Variants in APBB1IP observed in about 807,000 individuals in gnomAD.
APBB1IP encodes amyloid beta A4 precursor protein-binding family B member 1-interacting protein.
A neutral mutation model predicts 64.9 loss-of-function variants in APBB1IP; 27 were observed. That is an observed-to-expected ratio of 0.42 (90% CI 0.31 to 0.57). APBB1IP has a LOEUF of 0.57. Ranked by LOEUF, APBB1IP falls within the 20% of genes least tolerant of loss-of-function variation. The pLI is 0.20. For missense variants in APBB1IP, 812 were observed against 845.5 expected, an observed-to-expected ratio of 0.96 and a Z score of 0.49; for synonymous variants, 392 against 331.0, an observed-to-expected ratio of 1.18 and a Z score of -2.00.
chr10:26,520,274 G>T (rs1258707845), intron 8 of APBB1IP, among the ~76,000 whole-genome samples: 1 of 152,086 alleles, frequency 6.6e-6, no homozygotes, highest in Admixed American at 6.6e-5. Context: ...CCAACCTCCA[G>T]AACCATGAAC....
intron 2 of APBB1IP, among the ~76,000 whole-genome samples, chr10:26,481,428 T>C (rs976415606): frequency 5.9e-5 from 9 of 152,130 alleles, no homozygotes; most frequent in African/African-American, 2.2e-4. Context: ...TCACAGCAAT[T>C]TGGAAATAAG....
chr10:26,485,502 T>C (rs563298716), intron 2 of APBB1IP, among the ~76,000 whole-genome samples: 29 of 152,230 alleles, frequency 1.9e-4, no homozygotes, highest in Non-Finnish European at 4.1e-4. Context: ...GATCTGATTC[T>C]TACTTAATAA....
At chr10:26,552,604 A>G (rs1836845293) in intron 11 of APBB1IP, among the ~76,000 whole-genome samples, 1 of 152,060 alleles carries the variant, frequency 6.6e-6, no homozygotes, top group African/African-American at 2.4e-5. Flanking sequence ...CCTCTAAAAA[A>G]GAAAGGAATG....
At chr10:26,445,787 G>T (rs1835391403) in intron 2 of APBB1IP, among the ~76,000 whole-genome samples, 1 of 152,168 alleles carries the variant, frequency 6.6e-6, no homozygotes, top group Admixed American at 6.5e-5. Flanking sequence ...GTTAGAGCAG[G>T]GCTAAAAATT....
At chr10:26,528,175 C>T (rs1277210523) in intron 8 of APBB1IP, among the ~76,000 whole-genome samples, 6 of 152,174 alleles carry the variant, frequency 3.9e-5, no homozygotes, top group Admixed American at 1.3e-4. Context: ...CCAAACCCAA[C>T]GTAAGTGAAG....
At chr10:26,554,465 C>T (rs529816321) in intron 11 of APBB1IP, among the ~76,000 whole-genome samples, 108 of 152,350 alleles carry the variant, frequency 7.1e-4, no homozygotes, top group African/African-American at 2.3e-3. Context: ...CCAATCTCTG[C>T]CTCCCTCAAC....
intron 8 of APBB1IP, among the ~76,000 whole-genome samples, chr10:26,530,228 C>CT (rs772571075): frequency 0.081 from 2,345 of 28,912 alleles, 95 homozygotes; most frequent in African/African-American, 0.18. Context: ...TTTTCTTTTT[C>CT]TTTTTTTTTT....
chr10:26,493,998 A>C (rs1431602469), intron 3 of APBB1IP, among the ~76,000 whole-genome samples: 1 of 151,752 alleles, frequency 6.6e-6, no homozygotes, highest in African/African-American at 2.4e-5. Context: ...CACCACACCC[A>C]GCTAATTTTT....
chr10:26,476,231 A>G (rs1480784811), intron 2 of APBB1IP, among the ~76,000 whole-genome samples: 2 of 151,558 alleles, frequency 1.3e-5, no homozygotes, highest in African/African-American at 4.8e-5. Flanking sequence ...GCTAATTTTT[A>G]TATTTTTGGT....
At chr10:26,507,613 A>G (rs537525460) in intron 6 of APBB1IP, among the ~76,000 whole-genome samples, 2 of 152,362 alleles carry the variant, frequency 1.3e-5, no homozygotes, top group African/African-American at 4.8e-5. Context: ...TGTAGAATTG[A>G]TCACACATGG....
chr10:26,485,627 CACA>C (rs1005210991), intron 2 of APBB1IP, among the ~76,000 whole-genome samples: 14 of 152,166 alleles, frequency 9.2e-5, no homozygotes, highest in African/African-American at 3.4e-4. Flanking sequence ...GTTTAGATGT[CACA>C]ACAAGCCTAA....
chr10:26,465,014 C>A (rs916131341), intron 2 of APBB1IP, among the ~76,000 whole-genome samples: 15 of 152,170 alleles, frequency 9.9e-5, no homozygotes, highest in African/African-American at 3.4e-4. Flanking sequence ...AACTCTGGGG[C>A]ATTCTCTGTT....
At chr10:26,520,570 G>A (rs1292193281) in intron 8 of APBB1IP, among the ~76,000 whole-genome samples, 1 of 152,196 alleles carries the variant, frequency 6.6e-6, no homozygotes, top group Non-Finnish European at 1.5e-5. Flanking sequence ...AATGCAGAGG[G>A]AGGCTTTGAG....
chr10:26,567,026 G>C lies in APBB1IP; in HGVS notation c.1539G>C (p.Lys513Asn), dbSNP rs114997244. 1,954 of 1,560,126 alleles carry C rather than the reference G, an allele frequency of 1.3e-3. 19 individuals carry two copies. In the African/African-American group the frequency reaches 0.024, roughly 19 times the overall value. ...TGCCCCGGGCCCCGCACGCCCCCAA[G>C]TCCAGCCTGCCCCCGCCCCCTCCGG... Reference protein sequence around the residue: ...PAVPRAPHAPKSSLPPPPPVR... With the variant: ...PAVPRAPHAPNSSLPPPPPVR... Residue 513 changes from lysine to asparagine, a missense_variant, in exon 15 of 15, where the codon AAG becomes AAC. Around this residue, in one of 3 missense-constraint regions of APBB1IP, gnomAD observed 381 missense variants for 352.1 expected, o/e 1.08. Transcript: ENST00000376236.
At chr10:26,560,254 C>T (rs1424848402) in intron 12 of APBB1IP, 51 bp downstream of exon 12, 1 of 1,524,340 alleles carries the variant, frequency 6.6e-7, no homozygotes, top group Non-Finnish European at 9.1e-7. Flanking sequence ...AGCCAACTTC[C>T]TGACCTGGGC....
Position 26,558,638 on chromosome 10 carries a change from G to C in APBB1IP, c.1156-1467G>C, listed in dbSNP as rs376029745. On this transcript the variant is annotated intron_variant, in intron 11 of 14. Transcript: ENST00000376236. Reference sequence around the variant, plus strand: ...TTTAAAAAAAAAAAAAAAAAGCCAAGCATGGATGCATGTTTGTGGTCCCAG... The same window carrying C: ...TTTAAAAAAAAAAAAAAAAAGCCAACCATGGATGCATGTTTGTGGTCCCAG... Among the ~76,000 whole-genome samples, 140 of 146,518 alleles carry C rather than the reference G, an allele frequency of 9.6e-4. 1 individual carries two copies. Among genetic ancestry groups the C allele is most frequent in the African/African-American group, 3.2e-3 (127 of 40,248 alleles).
intron 2 of APBB1IP, among the ~76,000 whole-genome samples, chr10:26,483,468 A>G (rs1835859351): frequency 6.6e-6 from 1 of 152,180 alleles, no homozygotes; most frequent in African/African-American, 2.4e-5. Context: ...AGAACACCTA[A>G]TAGTTATTCG....
chr10:26,554,185 T>A (rs1375073632), intron 11 of APBB1IP, among the ~76,000 whole-genome samples: 2 of 152,224 alleles, frequency 1.3e-5, no homozygotes, highest in African/African-American at 2.4e-5. Context: ...CAAGGATGAA[T>A]GGCACCATCA....
chr10:26,476,049 G>A lies in APBB1IP; in HGVS notation c.1-16278G>A, dbSNP rs114755741. Among the ~76,000 whole-genome samples, 719 of 150,600 alleles carry A rather than the reference G, an allele frequency of 4.8e-3. 10 individuals carry two copies. The highest frequency in any genetic ancestry group is 0.016 in the African/African-American group (668 of 40,742). ...TCAAGACCATCTTGGGCAAGATGCT[G>A]TCTTTATAAAAACTTTTTTTTTTTT... is the stretch of plus-strand genomic sequence containing the variant. On this transcript the variant is annotated intron_variant, in intron 2 of 14. Transcript: ENST00000376236.
Sources: allele counts gnomAD v4.1 joint callset (sites outside exome capture counted in the v4.1 genomes callset), GRCh38; gene constraint gnomAD v4.1.1; regional missense constraint gnomAD v4.1.1; transcripts MANE v1.5; gene names NCBI Gene and HGNC (gene_info 2026-07-23, HGNC 2026-07-21).